PKP2: variants seen among roughly 807,000 people sequenced by gnomAD.
The protein encoded by PKP2 is plakophilin 2.
A neutral mutation model predicts 83.4 loss-of-function variants in PKP2; 73 were observed. The observed-to-expected ratio is 0.88, with a 90% confidence interval of 0.72 to 1.06. PKP2 has a LOEUF of 1.06. PKP2 is among the 50% of genes least tolerant of loss of function. PKP2 has a pLI of 0.00. For synonymous variants in PKP2, 409 were observed against 430.4 expected, an observed-to-expected ratio of 0.95 and a Z score of 0.62; for missense variants, 966 against 1,065.4, an observed-to-expected ratio of 0.91 and a Z score of 1.30.
chr12:32,893,155 A>G (rs1227749688), intron 1 of PKP2, among the ~76,000 whole-genome samples: 1 of 152,228 alleles, frequency 6.6e-6, no homozygotes, highest in Non-Finnish European at 1.5e-5. Context: ...CTTGCAAGAT[A>G]CTTATCAACA....
intron 1 of PKP2, among the ~76,000 whole-genome samples, chr12:32,891,226 C>T (rs1957073163): frequency 6.6e-6 from 1 of 152,058 alleles, no homozygotes; most frequent in African/African-American, 2.4e-5. Context: ...CAACATTTGT[C>T]TCAGAATTGT....
In PKP2 at chr12:32,792,187, A is replaced by G. The variant is rs1956074010; in HGVS notation, c.*237T>C. On this transcript the variant is annotated 3_prime_UTR_variant, in exon 13 of 13. Transcript: ENST00000340811. ...CAGGAAGCCATGTACCATAAGCCCT[A>G]ATAACAAAGACCACTATTTGTCGAG... The G allele has an allele frequency of 5.3e-6, 3 of 561,544 alleles. No homozygotes were observed. The highest frequency in any genetic ancestry group is 2.0e-5 in the South Asian group (1 of 49,360). The allele number at this position is 561,544 out of a possible 1,614,324, so 34.8% of individuals were successfully genotyped here. A position where few individuals can be genotyped will look rare whatever the true frequency, so the allele number is the denominator to read the frequency against.
chr12:32,807,924 T>C (rs1011070095), intron 9 of PKP2, among the ~76,000 whole-genome samples: 2 of 152,206 alleles, frequency 1.3e-5, no homozygotes, highest in African/African-American at 4.8e-5. Flanking sequence ...CTTACCTTTG[T>C]AGGTGACCTG....
chr12:32,896,485 C>T, intron 1 of PKP2, 24 bp downstream of exon 1: 1 of 1,448,572 alleles, frequency 6.9e-7, no homozygotes, highest in African/African-American at 1.5e-5. Context: ...GGGGCGGCGC[C>T]GGGGAGCGGC....
At chr12:32,861,600 A>G (rs1408370474) in intron 4 of PKP2, among the ~76,000 whole-genome samples, 1 of 152,230 alleles carries the variant, frequency 6.6e-6, no homozygotes, top group Non-Finnish European at 1.5e-5. Context: ...ACGTGTATGT[A>G]ATTGTAGTTC....
intron 4 of PKP2, among the ~76,000 whole-genome samples, chr12:32,867,935 A>C (rs193060918): frequency 1.8e-4 from 28 of 152,298 alleles, no homozygotes; most frequent in African/African-American, 6.5e-4. Flanking sequence ...TATTGATTCC[A>C]TCTCTGAGGA....
intron 3 of PKP2, among the ~76,000 whole-genome samples, chr12:32,871,416 CT>C (rs1189877819): frequency 1.3e-5 from 2 of 151,974 alleles, no homozygotes; most frequent in Admixed American, 1.3e-4. Flanking sequence ...CCACTTCAGC[CT>C]TCTGAATAGC....
rs184522105 is a variant in PKP2, at chr12:32,878,322, G to T, written c.558C>A (p.Ala186=). ...HTLHHQESRR[A]ALLVPPRYAR... The stretch of plus-strand genomic sequence containing the variant: ...CATATCTCGGTGGCACTAGGAGGGC[G>T]GCCCGCCTGCTTTCTTGGTGGTGCA... The change falls in exon 3 of 13, where the codon GCC becomes GCA. Residue 186 remains alanine, a synonymous_variant. Coordinates refer to ENST00000340811, the MANE Select transcript of PKP2 (RefSeq NM_001005242.3). 5.0e-6 allele frequency: 8 copies of T among 1,610,712 alleles called. No individual in the cohort carries two copies. The African/African-American group carries it at 9.4e-5, about 19-fold the overall frequency.
rs1060501188 is a variant in PKP2, at chr12:32,792,494, T to G, written c.2446-2A>C. 1.9e-6 allele frequency: 3 copies of G among 1,613,080 alleles called. No homozygotes were observed. Among genetic ancestry groups the G allele is most frequent in the Admixed American group, 1.7e-5 (1 of 59,996 alleles). On this transcript the variant is annotated splice_acceptor_variant, in intron 12 of 12. Transcript: ENST00000340811. LOFTEE classifies it high-confidence loss of function. ...AAAATCTGTCTTCTTAAACTGAGCC[T>G]TTGGAATAAGCAAACAGAAACGTGA...
intron 7 of PKP2, among the ~76,000 whole-genome samples, chr12:32,823,085 T>C (rs1428034903): frequency 1.3e-5 from 2 of 152,186 alleles, no homozygotes; most frequent in African/African-American, 4.8e-5. Context: ...ATTACTCAGA[T>C]TTCCATCTTC....
chr12:32,809,768 G>T (rs1280105347), intron 9 of PKP2, among the ~76,000 whole-genome samples: 1 of 152,200 alleles, frequency 6.6e-6, no homozygotes, highest in African/African-American at 2.4e-5. Flanking sequence ...GGAGAAGCAT[G>T]GTCCTGGGCG....
intron 1 of PKP2, among the ~76,000 whole-genome samples, chr12:32,894,979 G>A (rs891046234): frequency 1.3e-5 from 2 of 151,958 alleles, no homozygotes; most frequent in African/African-American, 4.8e-5. Context: ...AATGGGAGGG[G>A]GCCACGGAGA....
At chr12:32,854,314 G>A (rs757859031) in intron 4 of PKP2, among the ~76,000 whole-genome samples, 1 of 152,170 alleles carries the variant, frequency 6.6e-6, no homozygotes, top group Non-Finnish European at 1.5e-5. Context: ...AGACATACCA[G>A]TGCTTAGATA....
intron 4 of PKP2, among the ~76,000 whole-genome samples, chr12:32,856,614 G>A (rs544069519): frequency 2.0e-5 from 3 of 152,236 alleles, no homozygotes; most frequent in South Asian, 4.1e-4. Context: ...GGGGAAGGGG[G>A]AAAGGGGAGG....
intron 9 of PKP2, among the ~76,000 whole-genome samples, chr12:32,805,429 A>G (rs1405681702): frequency 3.9e-5 from 6 of 151,952 alleles, no homozygotes; most frequent in African/African-American, 1.5e-4. Context: ...GGGTTTTTAT[A>G]GTTTTGGGTT....
chr12:32,890,417 T>G (rs1324042735), intron 1 of PKP2, among the ~76,000 whole-genome samples: 3 of 152,196 alleles, frequency 2.0e-5, no homozygotes, highest in Admixed American at 2.0e-4. Flanking sequence ...TGCAGAACTT[T>G]GATTATGACT....
chr12:32,860,196 AG>A (rs1956785910), intron 4 of PKP2, among the ~76,000 whole-genome samples: 3 of 152,212 alleles, frequency 2.0e-5, no homozygotes, highest in Admixed American at 2.0e-4. Flanking sequence ...TCAGAGTTTG[AG>A]AAGACCAAAG....
In PKP2 at chr12:32,869,045, A is replaced by T; in HGVS notation, c.1052T>A (p.Met351Lys). 6.2e-7 allele frequency: 1 copy of T among 1,614,034 alleles called. No individual in the cohort carries two copies. The highest frequency in any genetic ancestry group is 8.5e-7 in the Non-Finnish European group (1 of 1,180,030). Residue 351 changes from methionine to lysine, a missense_variant, in exon 4 of 13, where the codon ATG (methionine) becomes AAG (lysine). Coordinates refer to ENST00000340811, the MANE Select transcript of PKP2 (RefSeq NM_001005242.3). ...DSQLGNADME[M>K]TLERAVSMLE... ...CATACTCACTGCTCGCTCCAGAGTC[A>T]TCTCCATGTCTGCATTCCTAGACAA...
intron 9 of PKP2, among the ~76,000 whole-genome samples, chr12:32,817,552 G>T (rs1206883699): frequency 6.6e-6 from 1 of 152,078 alleles, no homozygotes; most frequent in Non-Finnish European, 1.5e-5. Context: ...TTCCCATTCT[G>T]TGGTTTGCCT....
Sources: allele counts gnomAD v4.1 joint callset (sites outside exome capture counted in the v4.1 genomes callset), GRCh38; gene constraint gnomAD v4.1.1; transcripts MANE v1.5; gene names NCBI Gene and HGNC (gene_info 2026-07-23, HGNC 2026-07-21).